Variants in FAM131B observed in about 807,000 individuals in gnomAD.
The protein encoded by FAM131B is family with sequence similarity 131 member B.
In FAM131B, 19 loss-of-function variants were observed where a neutral mutation model predicts 42.0. The observed-to-expected ratio is 0.45, with a 90% confidence interval of 0.32 to 0.66. The LOEUF (loss-of-function observed/expected upper bound fraction) is 0.66, where lower values mean the gene tolerates loss of function less well. FAM131B is among the 30% of genes least tolerant of loss of function. The probability of loss-of-function intolerance (pLI) is 0.05; values close to 1 mark genes in which losing one functional copy is unlikely to be tolerated. For missense variants in FAM131B, 370 were observed against 468.4 expected, an observed-to-expected ratio of 0.79 and a Z score of 1.94; for synonymous variants, 183 against 177.6, an observed-to-expected ratio of 1.03 and a Z score of -0.24.
At chr7:143,371,473 G>A in the FAM131B span, among the ~76,000 whole-genome samples, 1 of 151,812 alleles carries the variant, frequency 6.6e-6, no homozygotes, top group African/African-American at 2.4e-5. Flanking sequence ...AATTAGCCAG[G>A]CCTGGTGGCA....
At chr7:143,371,866 A>G in the FAM131B span, among the ~76,000 whole-genome samples, 1 of 152,212 alleles carries the variant, frequency 6.6e-6, no homozygotes, top group Non-Finnish European at 1.5e-5. Flanking sequence ...GAGGAACAGT[A>G]ACAAGGCCAT....
the FAM131B span, chr7:143,381,527 C>T: frequency 6.3e-7 from 1 of 1,582,932 alleles, no homozygotes; most frequent in East Asian, 2.3e-5. Flanking sequence ...AGCCCGGCTC[C>T]GCGCTGCGTA....
chr7:143,381,323 G>A, the FAM131B span: 1 of 1,125,674 alleles, frequency 8.9e-7, no homozygotes, highest in Non-Finnish European at 1.1e-6. Context: ...CCGCCCGGCT[G>A]GAGGCTGCTC....
the FAM131B span, among the ~76,000 whole-genome samples, chr7:143,378,495 T>A: frequency 6.6e-6 from 1 of 152,110 alleles, no homozygotes; most frequent in Non-Finnish European, 1.5e-5. Context: ...ACATACTGCC[T>A]AAGGATATCA....
the FAM131B span, chr7:143,380,717 C>T: frequency 1.0e-6 from 1 of 985,322 alleles, no homozygotes; most frequent in Non-Finnish European, 1.2e-6. The surrounding 1 kb of genome is among the most constrained non-coding windows in gnomAD (Gnocchi z 5.0). Context: ...GCTCACACAC[C>T]CCCTCCGGGC....
upstream of FAM131B, among the ~76,000 whole-genome samples, chr7:143,366,225 AAG>A (rs1459558862): frequency 6.6e-6 from 1 of 152,216 alleles, no homozygotes; most frequent in African/African-American, 2.4e-5. Context: ...CCATAAACTG[AAG>A]AGAGGAATAC....
At chr7:143,379,835 G>A in the FAM131B span, 1 of 154,722 alleles carries the variant, frequency 6.5e-6, no homozygotes, top group African/African-American at 2.4e-5. Context: ...ACCTCACTCT[G>A]CTCTATCCTG....
upstream of FAM131B, among the ~76,000 whole-genome samples, chr7:143,365,562 C>T (rs975362352): frequency 6.6e-6 from 1 of 152,062 alleles, no homozygotes; most frequent in Non-Finnish European, 1.5e-5. Context: ...TAAGATTTCC[C>T]AGTTGGAAAG....
upstream of FAM131B, chr7:143,364,154 A>G (rs1804121515): frequency 6.6e-6 from 1 of 152,184 alleles, no homozygotes; most frequent in African/African-American, 2.4e-5. Flanking sequence ...CCCTATTTCA[A>G]TAGTGGAGAG....
rs1029223971 is a variant in FAM131B, at chr7:143,353,940, C to A, written c.*2610G>T. 1.3e-5 allele frequency: 2 copies of A among 151,872 alleles called. No individual in the cohort carries two copies. Among genetic ancestry groups the A allele is most frequent in the South Asian group, 4.2e-4 (2 of 4,800 alleles). 9.4% of individuals were successfully genotyped at this position (151,872 alleles called of 1,614,324 possible). On this transcript the variant is annotated 3_prime_UTR_variant, in exon 7 of 7. Coordinates refer to ENST00000443739, the MANE Select transcript of FAM131B (RefSeq NM_001031690.3). ...ACAAGAATATAAAAACAGCCCTGTT[C>A]CAGGACTGCTGTAAAACGTGCTGCA...
the FAM131B span, chr7:143,382,259 C>G: frequency 6.2e-7 from 1 of 1,612,500 alleles, no homozygotes; most frequent in Admixed American, 1.7e-5. Flanking sequence ...CTTTCCCCTG[C>G]CTCCACCTCC....
At chr7:143,368,947 T>A in the FAM131B span, among the ~76,000 whole-genome samples, 1 of 152,218 alleles carries the variant, frequency 6.6e-6, no homozygotes, top group Non-Finnish European at 1.5e-5. Flanking sequence ...GTAGCTCCAG[T>A]TGGCTATGTC....
In FAM131B at chr7:143,358,163, C is replaced by T. The variant is rs1803771031; in HGVS notation, c.466+664G>A. ...TGAGCGTGTTGAAGCTGGTACTGCT[C>T]CTGCCCCCCACCCTACATGTTTGTC... On this transcript the variant is annotated intron_variant, in intron 5 of 6. Coordinates refer to ENST00000443739, the MANE Select transcript of FAM131B (RefSeq NM_001031690.3). This position sits in a 1 kb window ranked among gnomAD's most constrained non-coding sequence, Gnocchi z 4.7. Among the ~76,000 whole-genome samples, 2 of 152,262 alleles carry T rather than the reference C, an allele frequency of 1.3e-5. No homozygotes were observed. The highest frequency in any genetic ancestry group is 6.5e-5 in the Admixed American group (1 of 15,296).
At chr7:143,382,297 G>T in the FAM131B span, 1 of 1,612,562 alleles carries the variant, frequency 6.2e-7, no homozygotes, top group Admixed American at 1.7e-5. Flanking sequence ...ACGATGCAGA[G>T]GGTGCTCTGG....
the FAM131B span, among the ~76,000 whole-genome samples, chr7:143,376,132 T>C: frequency 2.6e-5 from 4 of 152,206 alleles, no homozygotes; most frequent in Non-Finnish European, 2.9e-5. Context: ...TCTGGTTCCC[T>C]GGTCCTGGAA....
chr7:143,359,944 G>C lies in FAM131B; in HGVS notation c.138+96C>G. 9.6e-7 allele frequency: 1 copy of C among 1,044,196 alleles called. No individual in the cohort carries two copies. The highest frequency in any genetic ancestry group is 2.6e-5 in the East Asian group (1 of 39,062). The allele number at this position is 1,044,196 out of a possible 1,614,324, so 64.7% of individuals were successfully genotyped here. On this transcript the variant is annotated intron_variant, in intron 2 of 6. Transcript: ENST00000443739. The surrounding 1 kb of genome is among the most constrained non-coding windows in gnomAD (Gnocchi z 5.4). ...TGGCATGTGTTGTGAGAAATGTTCT[G>C]TAGAAGTGTCAGTCTGAAGGAGTGT...
the FAM131B span, among the ~76,000 whole-genome samples, chr7:143,375,091 T>G: frequency 4.6e-5 from 7 of 152,234 alleles, no homozygotes; most frequent in African/African-American, 1.2e-4. Context: ...CTGCACATAG[T>G]AGGTGCCCAG....
chr7:143,359,794 G>T lies in FAM131B; in HGVS notation c.139-27C>A, dbSNP rs1803866038. On this transcript the variant is annotated intron_variant, in intron 2 of 6. Transcript: ENST00000443739. The surrounding 1 kb of genome is among the most constrained non-coding windows in gnomAD (Gnocchi z 5.4). ...TGTGAGGAGAGAGGAAAGGGAATGG[G>T]CATCCCAGTCACTCGCAGGAATGCA... 1.3e-6 allele frequency: 2 copies of T among 1,556,738 alleles called. No homozygotes were observed. Among genetic ancestry groups the T allele is most frequent in the Non-Finnish European group, 1.7e-6 (2 of 1,149,900 alleles).
chr7:143,381,446 AG>A, the FAM131B span: 1 of 1,285,748 alleles, frequency 7.8e-7, no homozygotes, highest in Non-Finnish European at 9.9e-7. Context: ...CCCCACGGGG[AG>A]GGGGCGCGGG....
Sources: allele counts gnomAD v4.1 joint callset (sites outside exome capture counted in the v4.1 genomes callset), GRCh38; gene constraint gnomAD v4.1.1; non-coding constraint Gnocchi (gnomAD v3.1); transcripts MANE v1.5; gene names NCBI Gene and HGNC (gene_info 2026-07-23, HGNC 2026-07-21).